RAC1: variants seen among roughly 807,000 people sequenced by gnomAD.
RAC1 encodes Rac family small GTPase 1, also known as ras-related C3 botulinum toxin substrate 1.
RAC1 carries 2 observed loss-of-function variants against 25.2 expected under a neutral mutation model. The observed-to-expected ratio is 0.08, with a 90% confidence interval of 0.03 to 0.25. RAC1 has a LOEUF of 0.25. Among genes scored for constraint, RAC1 ranks in the 10% least tolerant of loss-of-function variants. The pLI is 1.00. For synonymous variants in RAC1, 88 were observed against 94.0 expected (o/e 0.94, Z 0.37); for missense variants, 50 against 235.7 (o/e 0.21, Z 5.16).
At chr7:6,386,660 T>C (rs1029827007) in intron 1 of RAC1, among the ~76,000 whole-genome samples, 3 of 151,674 alleles carry the variant, frequency 2.0e-5, no homozygotes, top group African/African-American at 7.3e-5. Context: ...GGTGGACAGC[T>C]GTAATCCCAG....
At chr7:6,375,264 T>A (rs943346508) in intron 1 of RAC1, among the ~76,000 whole-genome samples, 1 of 151,962 alleles carries the variant, frequency 6.6e-6, no homozygotes, top group African/African-American at 2.4e-5. Flanking sequence ...TTAAAAAAAT[T>A]TTTTTTTCAT....
At chr7:6,393,398 G>T (rs78594874) in intron 3 of RAC1, among the ~76,000 whole-genome samples, 1 of 152,306 alleles carries the variant, frequency 6.6e-6, no homozygotes, top group African/African-American at 2.4e-5. Flanking sequence ...ACATGTGGAA[G>T]GGTGTGGTGT....
At chr7:6,376,877 A>C (rs1782620424) in intron 1 of RAC1, among the ~76,000 whole-genome samples, 1 of 151,166 alleles carries the variant, frequency 6.6e-6, no homozygotes, top group Admixed American at 6.6e-5. Context: ...ATTTAATACT[A>C]ACCGATTGTG....
intron 2 of RAC1, among the ~76,000 whole-genome samples, chr7:6,390,026 ACTCCTTCC>A (rs139997631): frequency 0.4 from 27,808 of 70,368 alleles, 3,469 homozygotes; most frequent in Admixed American, 0.44. Flanking sequence ...CTCCTCTCCT[ACTCCTTCC>A]CTCCTTCCCT....
intron 3 of RAC1, among the ~76,000 whole-genome samples, chr7:6,393,147 A>T (rs1783134491): frequency 6.6e-6 from 1 of 152,184 alleles, no homozygotes; most frequent in Non-Finnish European, 1.5e-5. Flanking sequence ...TTGAGCCCTG[A>T]TTGATGATGA....
intron 1 of RAC1, among the ~76,000 whole-genome samples, chr7:6,375,271 T>C (rs1460442748): frequency 6.6e-6 from 1 of 152,130 alleles, no homozygotes; most frequent in African/African-American, 2.4e-5. Flanking sequence ...AATTTTTTTT[T>C]CATAGACGGG....
intron 3 of RAC1, among the ~76,000 whole-genome samples, chr7:6,397,621 A>C (rs1783282771): frequency 6.6e-6 from 1 of 152,136 alleles, no homozygotes. Context: ...TGGAAGAGCG[A>C]GTTTGTCAGT....
At chr7:6,400,835 C>T (rs1035010674) in intron 4 of RAC1, among the ~76,000 whole-genome samples, 5 of 152,060 alleles carry the variant, frequency 3.3e-5, no homozygotes, top group Admixed American at 3.3e-4. Context: ...ACCACCACGC[C>T]CGGCTAATTT....
chr7:6,384,835 C>T (rs549912176), intron 1 of RAC1, among the ~76,000 whole-genome samples: 1 of 152,106 alleles, frequency 6.6e-6, no homozygotes, highest in Non-Finnish European at 1.5e-5. Flanking sequence ...CAGGGTCTCA[C>T]TTTGTCCCTC....
In RAC1 at chr7:6,386,348, A is replaced by C. The variant is rs535264165; in HGVS notation, c.36-864A>C. ...ACGTGTGGTAGTTTATTGACTAAGC[A>C]CTTTCTCTCAAGAGAACAGTCATTG... On this transcript the variant is annotated intron_variant, in intron 1 of 5. Coordinates refer to ENST00000348035, the MANE Select transcript of RAC1 (RefSeq NM_006908.5). 4.6e-5 allele frequency among the ~76,000 whole-genome samples: 7 copies of C among 152,282 alleles called. No homozygotes were observed. The East Asian group carries it at 1.3e-3, about 29-fold the overall frequency.
At chr7:6,395,059 T>C (rs896450008) in intron 3 of RAC1, among the ~76,000 whole-genome samples, 3 of 152,174 alleles carry the variant, frequency 2.0e-5, no homozygotes, top group Middle Eastern at 3.2e-3. Context: ...TTTCACCATG[T>C]TAGCCAGGAT....
intron 3 of RAC1, among the ~76,000 whole-genome samples, chr7:6,397,652 G>C (rs1260454165): frequency 1.3e-5 from 2 of 152,172 alleles, no homozygotes; most frequent in Non-Finnish European, 2.9e-5. Context: ...ACAAAGAAAT[G>C]AATTGACAGC....
chr7:6,382,235 T>C (rs186363699), intron 1 of RAC1, among the ~76,000 whole-genome samples: 276 of 152,256 alleles, frequency 1.8e-3, no homozygotes, highest in African/African-American at 6.2e-3. Flanking sequence ...CCTGAAGTGA[T>C]CCACCCGCCT....
At chr7:6,377,899 T>C (rs565625745) in intron 1 of RAC1, among the ~76,000 whole-genome samples, 23 of 152,148 alleles carry the variant, frequency 1.5e-4, no homozygotes, top group African/African-American at 5.5e-4. Context: ...AGGGAAACTG[T>C]CTTTTTTTGT....
At chr7:6,374,943 C>T (rs1287428542) in intron 1 of RAC1, among the ~76,000 whole-genome samples, 173 bp downstream of exon 1, 3 of 151,384 alleles carry the variant, frequency 2.0e-5, no homozygotes, top group East Asian at 3.9e-4. Context: ...CGGACCCTGA[C>T]GGCCCGGGCG....
intron 3 of RAC1, among the ~76,000 whole-genome samples, chr7:6,394,888 T>G (rs1783187494): frequency 6.6e-6 from 1 of 150,592 alleles, no homozygotes; most frequent in Non-Finnish European, 1.5e-5. Context: ...GGAGTCTTGC[T>G]CTGTCGCCCA....
rs538973654 is a variant in RAC1, at chr7:6,402,440, G to A, written c.573G>A (p.Leu191=). ...AGAAGAGGAAGAGAAAATGCCTGCT[G>A]TTGTAAATGTCTCAGCCCCTCGTTC... ...PVKKRKRKCL[L]L The change falls in exon 6 of 6, where the codon CTG becomes CTA. Residue 191 remains leucine, a synonymous_variant. Coordinates refer to ENST00000348035, the MANE Select transcript of RAC1 (RefSeq NM_006908.5). 3.5e-5 allele frequency: 49 copies of A among 1,411,020 alleles called. No homozygotes were observed. Among genetic ancestry groups the A allele is most frequent in the Non-Finnish European group, 4.0e-5 (43 of 1,062,714 alleles). The allele number at this position is 1,411,020 out of a possible 1,614,324, so 87.4% of individuals were successfully genotyped here.
intron 1 of RAC1, among the ~76,000 whole-genome samples, chr7:6,378,393 A>G (rs1038546094): frequency 6.6e-6 from 1 of 151,848 alleles, no homozygotes; most frequent in African/African-American, 2.4e-5. Flanking sequence ...TAAAAGTACA[A>G]AAATTAGCCG....
chr7:6,376,448 T>A (rs1302467494), intron 1 of RAC1, among the ~76,000 whole-genome samples: 1 of 151,142 alleles, frequency 6.6e-6, no homozygotes, highest in Non-Finnish European at 1.5e-5. Flanking sequence ...TCTCCCAGAG[T>A]GTTGGGATTA....
Sources: gnomAD v4.1 joint callset for allele counts (sites outside exome capture counted in the v4.1 genomes callset) on GRCh38, gnomAD v4.1.1 for gene constraint, MANE v1.5 for transcripts, NCBI Gene and HGNC (gene_info 2026-07-23, HGNC 2026-07-21) for gene names.